SOX1: variants seen among roughly 807,000 people sequenced by gnomAD.
SOX1 encodes transcription factor SOX-1.
SOX1 carries 1 observed loss-of-function variant against 0.9 expected under a neutral mutation model. The ratio of observed to expected loss-of-function variants is 1.07; its 90% CI spans 0.38 to 5.06. The LOEUF (loss-of-function observed/expected upper bound fraction) is 5.06. Among genes scored for constraint, SOX1 ranks in the 30% most tolerant of loss-of-function variants. The probability of loss-of-function intolerance (pLI) is 0.16; values close to 1 mark genes in which losing one functional copy is unlikely to be tolerated. For synonymous variants in SOX1, 397 were observed against 265.5 expected (o/e 1.50, Z -4.81); for missense variants, 564 against 534.4 (o/e 1.06, Z -0.55).
In SOX1 at chr13:112,068,795, C is replaced by CGTGG; in HGVS notation, c.1138_1139insTGGG (p.Ala380ValfsTer82). On this transcript the variant is annotated frameshift_variant, in exon 1 of 1. Coordinates refer to ENST00000330949, the MANE Select transcript of SOX1 (RefSeq NM_005986.3). LOFTEE classifies it high-confidence loss of function. This position sits in a 1 kb window ranked among gnomAD's most constrained non-coding sequence, Gnocchi z 6.9. ...TGCCGCAGCACTACCAGGGCGCGGG[C>CGTGG]GCGGGCGTGAACGGCACGGTGCCCC... The CGTGG allele has an allele frequency of 8.1e-7, 1 of 1,228,160 alleles. No individual in the cohort carries two copies. Among genetic ancestry groups the CGTGG allele is most frequent in the Non-Finnish European group, 1.0e-6 (1 of 983,668 alleles). The allele number at this position is 1,228,160 out of a possible 1,614,324, so 76.1% of individuals were successfully genotyped here. A position where few individuals can be genotyped will look rare whatever the true frequency, so the allele number is the denominator to read the frequency against.
In SOX1 at chr13:112,071,682, T is replaced by A. The variant is rs1437954781; in HGVS notation, c.*2848T>A. Among the ~76,000 whole-genome samples, 2 of 152,164 alleles carry A rather than the reference T, an allele frequency of 1.3e-5. No homozygotes were observed. Among genetic ancestry groups the A allele is most frequent in the Non-Finnish European group, 2.9e-5 (2 of 68,018 alleles). ...ATAGTTATTATATTATATGACGACT[T>A]CATTCACTTCCCAAATCACAGGGTG... is the stretch of plus-strand genomic sequence containing the variant. On this transcript the variant is annotated 3_prime_UTR_variant, in exon 1 of 1. Transcript: ENST00000330949.
Position 112,068,093 on chromosome 13 carries a change from C to T in SOX1, c.435C>T (p.Gly145=). ...TGGCCGGCGGGCTCCTGGCGGCCGG[C>T]GCGGGTGGCGGCGGCGCGGCTGTGG... is the stretch of plus-strand genomic sequence containing the variant. ...YSLAGGLLAA[G]AGGGGAAVAM... Residue 145 remains glycine (G), a synonymous_variant, in exon 1 of 1, where the codon GGC becomes GGT. Coordinates refer to ENST00000330949, the MANE Select transcript of SOX1 (RefSeq NM_005986.3). This position sits in a 1 kb window ranked among gnomAD's most constrained non-coding sequence, Gnocchi z 6.9. 1 of 1,532,010 alleles carries T rather than the reference C, an allele frequency of 6.5e-7. No homozygotes were observed. The highest frequency in any genetic ancestry group is 8.8e-7 in the Non-Finnish European group (1 of 1,137,772). The allele number at this position is 1,532,010 out of a possible 1,614,324, so 94.9% of individuals were successfully genotyped here.
At position 112,068,913 on chromosome 13, in the gene SOX1, G is replaced by T; in HGVS notation, c.*79G>T. ...CGCCCGGCTCCCGCCCCGCCCCGGCGCGGCGTGGCTTTTGTACAGACGTTC... is the reference window on the plus strand; with the variant it reads ...CGCCCGGCTCCCGCCCCGCCCCGGCTCGGCGTGGCTTTTGTACAGACGTTC... On this transcript the variant is annotated 3_prime_UTR_variant, in exon 1 of 1. Coordinates refer to ENST00000330949, the MANE Select transcript of SOX1 (RefSeq NM_005986.3). The surrounding 1 kb of genome is among the most constrained non-coding windows in gnomAD (Gnocchi z 6.9). The T allele has an allele frequency of 1.8e-6, 2 of 1,114,752 alleles. No individual in the cohort carries two copies. Among genetic ancestry groups the T allele is most frequent in the Non-Finnish European group, 2.2e-6 (2 of 889,106 alleles). 69.1% of individuals were successfully genotyped at this position (1,114,752 alleles called of 1,614,324 possible).
chr13:112,068,738 AGCGGCC>A lies in SOX1; in HGVS notation c.1086_1091del (p.Ala363_Ala364del), dbSNP rs1880803842. The A allele has an allele frequency of 1.0e-5, 12 of 1,189,290 alleles. No individual in the cohort carries two copies. Among genetic ancestry groups the A allele is most frequent in the Non-Finnish European group, 1.1e-5 (11 of 961,438 alleles). The allele number at this position is 1,189,290 out of a possible 1,614,324, so 73.7% of individuals were successfully genotyped here. A position where few individuals can be genotyped will look rare whatever the true frequency, so the allele number is the denominator to read the frequency against. Reference sequence around the variant, plus strand: ...AGGGGGGCGACCCGGCGGCGGCAGCAGCGGCCGCGGCGCAGAGCCGGCTGCACTCGC... The same window carrying A: ...AGGGGGGCGACCCGGCGGCGGCAGCAGCGGCGCAGAGCCGGCTGCACTCGC... On this transcript the variant is annotated inframe_deletion, in exon 1 of 1. Transcript: ENST00000330949. This position sits in a 1 kb window ranked among gnomAD's most constrained non-coding sequence, Gnocchi z 6.9.
chr13:112,070,827 G>T lies in SOX1; in HGVS notation c.*1993G>T, dbSNP rs370809646. 3.3e-5 allele frequency among the ~76,000 whole-genome samples: 5 copies of T among 152,142 alleles called. No individual in the cohort carries two copies. The highest frequency in any genetic ancestry group is 3.4e-3 in the Middle Eastern group (1 of 294). On this transcript the variant is annotated 3_prime_UTR_variant, in exon 1 of 1. Transcript: ENST00000330949. ...AGTGATTACAAAAAAGTTCAAGAAT[G>T]ATGTCCACTGCTTTCTAACAAGATA... is the stretch of plus-strand genomic sequence containing the variant.
Position 112,071,508 on chromosome 13 carries a change from G to A in SOX1, c.*2674G>A, listed in dbSNP as rs1875875306. On this transcript the variant is annotated 3_prime_UTR_variant, in exon 1 of 1. Coordinates refer to ENST00000330949, the MANE Select transcript of SOX1 (RefSeq NM_005986.3). ...TAGCTGAGATTCATCTCAGGATTGA[G>A]ATTCTATCCCCCCTTCCCCGCCCCC... Among the ~76,000 whole-genome samples, 1 of 152,148 alleles carries A rather than the reference G, an allele frequency of 6.6e-6. No homozygotes were observed. Among genetic ancestry groups the A allele is most frequent in the South Asian group, 2.1e-4 (1 of 4,828 alleles).
Position 112,068,214 on chromosome 13 carries a change from G to C in SOX1, c.556G>C (p.Gly186Arg). ...GGGCGGCGGCTACGCGCACGTCAAC[G>C]GCTGGGCCAACGGCGCCTACCCCGG... The part of the protein sequence containing the change: ...AAGGGYAHVN[G>R]WANGAYPGSV... Residue 186 changes from glycine to arginine, a missense_variant, in exon 1 of 1, where the codon GGC (glycine) becomes CGC (arginine). Gly to Arg is a moderately radical substitution (Grantham distance 125, BLOSUM62 -2). Coordinates refer to ENST00000330949, the MANE Select transcript of SOX1 (RefSeq NM_005986.3). The surrounding 1 kb of genome is among the most constrained non-coding windows in gnomAD (Gnocchi z 6.9). 1.3e-6 allele frequency: 1 copy of C among 771,630 alleles called. No individual in the cohort carries two copies. Among genetic ancestry groups the C allele is most frequent in the Non-Finnish European group, 1.6e-6 (1 of 631,870 alleles). The allele number at this position is 771,630 out of a possible 1,614,324, so 47.8% of individuals were successfully genotyped here.
Position 112,068,104 on chromosome 13 carries a change from G to GCGGCGC in SOX1, c.447_452dup (p.Gly150_Ala151dup). 1 of 1,494,536 alleles carries GCGGCGC rather than the reference G, an allele frequency of 6.7e-7. No individual in the cohort carries two copies. The highest frequency in any genetic ancestry group is 1.2e-5 in the South Asian group (1 of 81,030). The allele number at this position is 1,494,536 out of a possible 1,614,324, so 92.6% of individuals were successfully genotyped here. Reference sequence around the variant, plus strand: ...CTCCTGGCGGCCGGCGCGGGTGGCGGCGGCGCGGCTGTGGCCATGGGCGTG... The same window carrying GCGGCGC: ...CTCCTGGCGGCCGGCGCGGGTGGCGGCGGCGCCGGCGCGGCTGTGGCCATGGGCGTG... On this transcript the variant is annotated inframe_insertion, in exon 1 of 1. Coordinates refer to ENST00000330949, the MANE Select transcript of SOX1 (RefSeq NM_005986.3). This position sits in a 1 kb window ranked among gnomAD's most constrained non-coding sequence, Gnocchi z 6.9.
In SOX1 at chr13:112,070,596, C is replaced by A. The variant is rs746538845; in HGVS notation, c.*1762C>A. On this transcript the variant is annotated 3_prime_UTR_variant, in exon 1 of 1. Coordinates refer to ENST00000330949, the MANE Select transcript of SOX1 (RefSeq NM_005986.3). The stretch of plus-strand genomic sequence containing the variant: ...GATGGAAATACGTTTATTTCAGCAG[C>A]CTTAGGTTTCCCCTCGCTTTCTCAA... 2.4e-5 allele frequency: 4 copies of A among 166,826 alleles called. No individual in the cohort carries two copies. Among genetic ancestry groups the A allele is most frequent in the Admixed American group, 2.0e-4 (3 of 15,278 alleles). The allele number at this position is 166,826 out of a possible 1,614,324, so 10.3% of individuals were successfully genotyped here.
chr13:112,069,754 T>G lies in SOX1; in HGVS notation c.*920T>G, dbSNP rs969528639. 1.2e-5 allele frequency: 2 copies of G among 165,672 alleles called. No individual in the cohort carries two copies. Among genetic ancestry groups the G allele is most frequent in the Non-Finnish European group, 2.9e-5 (2 of 67,806 alleles). 10.3% of individuals were successfully genotyped at this position (165,672 alleles called of 1,614,324 possible). On this transcript the variant is annotated 3_prime_UTR_variant, in exon 1 of 1. Transcript: ENST00000330949. Reference sequence around the variant, plus strand: ...CTAAAAGTAAGGGAACCCCGGGGAATGGGAGGACAGGATTTTTCAAGGAAC... The same window carrying G: ...CTAAAAGTAAGGGAACCCCGGGGAAGGGGAGGACAGGATTTTTCAAGGAAC...
chr13:112,067,545 A>T lies in SOX1; in HGVS notation c.-114A>T, dbSNP rs1336938083. On this transcript the variant is annotated 5_prime_UTR_variant, in exon 1 of 1. Coordinates refer to ENST00000330949, the MANE Select transcript of SOX1 (RefSeq NM_005986.3). This position sits in a 1 kb window ranked among gnomAD's most constrained non-coding sequence, Gnocchi z 5.1. Reference sequence around the variant, plus strand: ...CCTCCCCATTCTTCTCTCCGCTAGGACCCCCCCGCCCCCGTCTCACTCCGT... The same window carrying T: ...CCTCCCCATTCTTCTCTCCGCTAGGTCCCCCCCGCCCCCGTCTCACTCCGT... 7.1e-6 allele frequency: 2 copies of T among 279,778 alleles called. No individual in the cohort carries two copies. Among genetic ancestry groups the T allele is most frequent in the Admixed American group, 7.5e-5 (1 of 13,420 alleles). 17.3% of individuals were successfully genotyped at this position (279,778 alleles called of 1,614,324 possible).
rs2138617114 is a variant in SOX1 at position 112,068,506 on chromosome 13, C to G, written c.848C>G (p.Ala283Gly). The G allele has an allele frequency of 1.0e-6, 1 of 1,003,790 alleles. No homozygotes were observed. The highest frequency in any genetic ancestry group is 1.2e-6 in the Non-Finnish European group (1 of 844,580). 62.2% of individuals were successfully genotyped at this position (1,003,790 alleles called of 1,614,324 possible). A position where few individuals can be genotyped will look rare whatever the true frequency, so the allele number is the denominator to read the frequency against. Reference protein sequence around the residue: ...YGGLPYGAAAAAAAAAGGAHQ... With the variant: ...YGGLPYGAAAGAAAAAGGAHQ... ...GGCCTCCCCTACGGCGCCGCGGCCG[C>G]CGCCGCCGCCGCTGCGGGCGGCGCG... The change falls in exon 1 of 1, where the codon GCC becomes GGC. Residue 283 changes from alanine (A) to glycine (G), a missense_variant. By Grantham distance (60) the Ala-to-Gly change is moderately conservative (BLOSUM62 0). Coordinates refer to ENST00000330949, the MANE Select transcript of SOX1 (RefSeq NM_005986.3). The surrounding 1 kb of genome is among the most constrained non-coding windows in gnomAD (Gnocchi z 6.9).
rs571668248 is a variant in SOX1 at position 112,069,144 on chromosome 13, C to T, written c.*310C>T. Reference sequence around the variant, plus strand: ...AAAGCGTTTTCTTTGCTCGAGGGGACAAAAAAGTCAAAACGAGGCGAGAGG... The same window carrying T: ...AAAGCGTTTTCTTTGCTCGAGGGGATAAAAAAGTCAAAACGAGGCGAGAGG... On this transcript the variant is annotated 3_prime_UTR_variant, in exon 1 of 1. Coordinates refer to ENST00000330949, the MANE Select transcript of SOX1 (RefSeq NM_005986.3). The T allele has an allele frequency of 5.4e-6, 1 of 184,086 alleles. No homozygotes were observed. Among genetic ancestry groups the T allele is most frequent in the South Asian group, 2.0e-4 (1 of 4,972 alleles). The allele number at this position is 184,086 out of a possible 1,614,324, so 11.4% of individuals were successfully genotyped here.
Position 112,068,724 on chromosome 13 carries a change from C to A in SOX1, c.1066C>A (p.Pro356Thr). The A allele has an allele frequency of 8.4e-7, 1 of 1,183,888 alleles. No homozygotes were observed. The highest frequency in any genetic ancestry group is 1.0e-6 in the Non-Finnish European group (1 of 957,678). 73.3% of individuals were successfully genotyped at this position (1,183,888 alleles called of 1,614,324 possible). A position where few individuals can be genotyped will look rare whatever the true frequency, so the allele number is the denominator to read the frequency against. The change falls in exon 1 of 1, where the codon CCG (proline) becomes ACG (threonine). Residue 356 changes from proline (P) to threonine (T), a missense_variant. Physicochemically the swap from Pro to Thr is conservative, Grantham distance 38. Coordinates refer to ENST00000330949, the MANE Select transcript of SOX1 (RefSeq NM_005986.3). This position sits in a 1 kb window ranked among gnomAD's most constrained non-coding sequence, Gnocchi z 6.9. The stretch of plus-strand genomic sequence containing the variant: ...CTTGCCCGCCGGCGAGGGGGGCGAC[C>A]CGGCGGCGGCAGCAGCGGCCGCGGC... ...MYLPAGEGGD[P>T]AAAAAAAAQS...
In SOX1 at chr13:112,067,704, G is replaced by T. The variant is rs766040889; in HGVS notation, c.46G>T (p.Ala16Ser). 1 of 1,279,856 alleles carries T rather than the reference G, an allele frequency of 7.8e-7. No individual in the cohort carries two copies. Among genetic ancestry groups the T allele is most frequent in the Admixed American group, 3.2e-5 (1 of 31,428 alleles). The allele number at this position is 1,279,856 out of a possible 1,614,324, so 79.3% of individuals were successfully genotyped here. A position where few individuals can be genotyped will look rare whatever the true frequency, so the allele number is the denominator to read the frequency against. The part of the protein sequence containing the change: ...METDLHSPGG[A>S]QAPTNLSGPA... ...GACCGACCTGCACTCGCCCGGCGGC[G>T]CCCAGGCCCCCACGAACCTCTCGGG... Residue 16 changes from alanine to serine, a missense_variant, in exon 1 of 1, where the codon GCC becomes TCC. Physicochemically the swap from Ala to Ser is moderately conservative, Grantham distance 99. Coordinates refer to ENST00000330949, the MANE Select transcript of SOX1 (RefSeq NM_005986.3). The surrounding 1 kb of genome is among the most constrained non-coding windows in gnomAD (Gnocchi z 5.1).
In SOX1 at chr13:112,067,895, G is replaced by T. The variant is rs758418512; in HGVS notation, c.237G>T (p.Ser79=). ...AGGAGAACCCCAAGATGCACAACTC[G>T]GAGATCAGCAAGCGCCTGGGGGCCG... ...MAQENPKMHN[S]EISKRLGAEW... is the part of the protein sequence containing the mutation. Residue 79 remains serine (S), a synonymous_variant, in exon 1 of 1, where the codon TCG becomes TCT. Coordinates refer to ENST00000330949, the MANE Select transcript of SOX1 (RefSeq NM_005986.3). This position sits in a 1 kb window ranked among gnomAD's most constrained non-coding sequence, Gnocchi z 5.1. 1.9e-6 allele frequency: 3 copies of T among 1,608,344 alleles called. No homozygotes were observed. The African/African-American group carries it at 4.0e-5, about 22-fold the overall frequency.
rs934213964 is a variant in SOX1, at chr13:112,067,513, C to T, written c.-146C>T. 5.1e-5 allele frequency: 17 copies of T among 336,058 alleles called. No homozygotes were observed. The highest frequency in any genetic ancestry group is 7.6e-5 in the Non-Finnish European group (16 of 211,538). The allele number at this position is 336,058 out of a possible 1,614,324, so 20.8% of individuals were successfully genotyped here. On this transcript the variant is annotated 5_prime_UTR_variant, in exon 1 of 1. Coordinates refer to ENST00000330949, the MANE Select transcript of SOX1 (RefSeq NM_005986.3). The surrounding 1 kb of genome is among the most constrained non-coding windows in gnomAD (Gnocchi z 5.1). ...TTCTGCCTTTTTTTGTTGTCGTTGC[C>T]TCCACCCCTCCCCATTCTTCTCTCC...
rs1358082956 is a variant in SOX1, at chr13:112,069,847, G to T, written c.*1013G>T. On this transcript the variant is annotated 3_prime_UTR_variant, in exon 1 of 1. Transcript: ENST00000330949. ...TTTGTAGAGCTGAGTGTTAATACGG[G>T]CCGAGAAATAAAAGTATCTTCTGCT... The T allele has an allele frequency of 6.0e-6, 1 of 167,116 alleles. No individual in the cohort carries two copies. Among genetic ancestry groups the T allele is most frequent in the Non-Finnish European group, 1.5e-5 (1 of 68,116 alleles). 10.4% of individuals were successfully genotyped at this position (167,116 alleles called of 1,614,324 possible).
In SOX1 at chr13:112,069,517, C is replaced by T. The variant is rs1880830377; in HGVS notation, c.*683C>T. On this transcript the variant is annotated 3_prime_UTR_variant, in exon 1 of 1. Coordinates refer to ENST00000330949, the MANE Select transcript of SOX1 (RefSeq NM_005986.3). Reference sequence around the variant, plus strand: ...AAATTTTATTTTCGGCGTTGCAATGCGGGGAGGAGAAGTCAGATTATGTAC... The same window carrying T: ...AAATTTTATTTTCGGCGTTGCAATGTGGGGAGGAGAAGTCAGATTATGTAC... The T allele has an allele frequency of 6.0e-6, 1 of 166,426 alleles. No individual in the cohort carries two copies. The highest frequency in any genetic ancestry group is 1.5e-5 in the Non-Finnish European group (1 of 68,074). The allele number at this position is 166,426 out of a possible 1,614,324, so 10.3% of individuals were successfully genotyped here. A position where few individuals can be genotyped will look rare whatever the true frequency, so the allele number is the denominator to read the frequency against.
Sources: allele counts gnomAD v4.1 joint callset (sites outside exome capture counted in the v4.1 genomes callset), GRCh38; gene constraint gnomAD v4.1.1; non-coding constraint Gnocchi (gnomAD v3.1); transcripts MANE v1.5; gene names NCBI Gene and HGNC (gene_info 2026-07-23, HGNC 2026-07-21).